TSHZ2: variants seen among roughly 807,000 people sequenced by gnomAD.
TSHZ2 encodes the protein teashirt homolog 2.
A neutral mutation model predicts 74.4 loss-of-function variants in TSHZ2; 21 were observed. That is an observed-to-expected ratio of 0.28 (90% CI 0.20 to 0.41). TSHZ2 has a LOEUF of 0.41. Ranked by LOEUF, TSHZ2 falls within the 10% of genes least tolerant of loss-of-function variation. TSHZ2 has a pLI of 1.00. For missense variants in TSHZ2, 1,244 were observed against 1,293.5 expected (o/e 0.96, Z 0.59); for synonymous variants, 540 against 515.3 (o/e 1.05, Z -0.65).
At chr20:53,277,127 A>C (rs1368561429) in intron 2 of TSHZ2, among the ~76,000 whole-genome samples, 2 of 152,166 alleles carry the variant, frequency 1.3e-5, no homozygotes, top group Non-Finnish European at 2.9e-5. Context: ...AGTTGCTTGT[A>C]CTGTATTAAG....
chr20:53,187,876 G>A (rs932744570), intron 1 of TSHZ2, among the ~76,000 whole-genome samples: 1 of 152,130 alleles, frequency 6.6e-6, no homozygotes, highest in Non-Finnish European at 1.5e-5. Context: ...TCTAACATAT[G>A]CATACCTCCC....
chr20:53,475,205 A>G (rs1185668692), intron 2 of TSHZ2, among the ~76,000 whole-genome samples: 2 of 137,098 alleles, frequency 1.5e-5, no homozygotes, highest in Admixed American at 7.3e-5. Flanking sequence ...CAGAATATAC[A>G]TTTTTTTCAG....
rs73272809 is a variant in TSHZ2 at position 53,208,143 on chromosome 20, G to A, written c.41-45356G>A. Among the ~76,000 whole-genome samples the A allele has an allele frequency of 9.2e-3, 1,399 of 152,228 alleles. 27 individuals are homozygous for A. The highest frequency in any genetic ancestry group is 0.033 in the African/African-American group (1,351 of 41,546). ...TTTCCCCTTTAGCTGATGGTAAATC[G>A]CATTCGCCCTAAGACCAATTTCTTT... On this transcript the variant is annotated intron_variant, in intron 1 of 2. Coordinates refer to ENST00000371497, the MANE Select transcript of TSHZ2 (RefSeq NM_173485.6).
At chr20:53,454,283 G>A in intron 2 of TSHZ2, among the ~76,000 whole-genome samples, 1 of 152,082 alleles carries the variant, frequency 6.6e-6, no homozygotes, top group Middle Eastern at 3.2e-3. Context: ...GTCTTTAAAG[G>A]CCAGGCGTGG....
At chr20:53,182,471 G>A (rs898166084) in intron 1 of TSHZ2, among the ~76,000 whole-genome samples, 1 of 152,206 alleles carries the variant, frequency 6.6e-6, no homozygotes, top group African/African-American at 2.4e-5. Context: ...TAACGAGGTG[G>A]GCGGGGTTTG....
chr20:53,176,936 C>T (rs1021498405), intron 1 of TSHZ2, among the ~76,000 whole-genome samples: 9 of 152,142 alleles, frequency 5.9e-5, no homozygotes, highest in African/African-American at 1.9e-4. Context: ...CCACCCGCTT[C>T]GGCCTCCCAA....
At chr20:53,163,418 G>T in intron 1 of TSHZ2, among the ~76,000 whole-genome samples, 1 of 128,544 alleles carries the variant, frequency 7.8e-6, no homozygotes. Flanking sequence ...TGCCACAGTA[G>T]CTCAAGAAGA....
chr20:53,092,461 T>C (rs888592159), intron 1 of TSHZ2, among the ~76,000 whole-genome samples: 1 of 152,194 alleles, frequency 6.6e-6, no homozygotes, highest in East Asian at 1.9e-4. Context: ...GTTGCTAGTA[T>C]ATTTTTCCCT....
intron 1 of TSHZ2, among the ~76,000 whole-genome samples, chr20:53,115,990 A>G (rs2123336705): frequency 6.6e-6 from 1 of 152,336 alleles, no homozygotes; most frequent in Non-Finnish European, 1.5e-5. Context: ...CTGTGGTTAC[A>G]GTCAAGGAAA....
intron 2 of TSHZ2, among the ~76,000 whole-genome samples, chr20:53,467,104 C>CAGAG (rs1361276590): frequency 6.6e-6 from 1 of 152,206 alleles, no homozygotes; most frequent in African/African-American, 2.4e-5. Flanking sequence ...CTGAGGAAGG[C>CAGAG]AGAGCTTCTA....
chr20:53,227,748 G>T (rs1989717667), intron 1 of TSHZ2, among the ~76,000 whole-genome samples: 1 of 152,096 alleles, frequency 6.6e-6, no homozygotes, highest in Non-Finnish European at 1.5e-5. Context: ...TTCGTGGCTT[G>T]CTCTGATACA....
At chr20:53,422,209 A>G (rs1006292379) in intron 2 of TSHZ2, among the ~76,000 whole-genome samples, 1 of 152,234 alleles carries the variant, frequency 6.6e-6, no homozygotes, top group Non-Finnish European at 1.5e-5. Flanking sequence ...AAGCAAGCCA[A>G]TGTCTGCCAG....
intron 2 of TSHZ2, among the ~76,000 whole-genome samples, chr20:53,452,847 C>G (rs923259471): frequency 3.9e-5 from 6 of 152,120 alleles, no homozygotes. Context: ...TCTCAAGGAA[C>G]GTTTAGTGTT....
At chr20:53,080,621 C>T (rs960718674) in intron 1 of TSHZ2, among the ~76,000 whole-genome samples, 28 of 152,128 alleles carry the variant, frequency 1.8e-4, no homozygotes, top group Admixed American at 1.4e-3. Context: ...CTAGATCCCT[C>T]GCATACACAG....
intron 2 of TSHZ2, among the ~76,000 whole-genome samples, chr20:53,323,435 G>T (rs1282339655): frequency 3.9e-5 from 2 of 50,820 alleles, no homozygotes; most frequent in African/African-American, 1.5e-4. Context: ...GAATGATGTA[G>T]TTAAAGTTTA....
intron 1 of TSHZ2, among the ~76,000 whole-genome samples, chr20:53,026,797 C>A (rs564190141): frequency 2.6e-5 from 4 of 152,038 alleles, no homozygotes; most frequent in Admixed American, 6.5e-5. Context: ...TCTTCAACAT[C>A]TTTTCATATT....
intron 1 of TSHZ2, among the ~76,000 whole-genome samples, chr20:53,028,982 G>T (rs906625922): frequency 1.3e-5 from 2 of 152,136 alleles, no homozygotes; most frequent in Admixed American, 6.6e-5. Flanking sequence ...AATTTTTTTA[G>T]TTCATTCAAA....
At chr20:53,250,492 A>T (rs1488233794) in intron 1 of TSHZ2, among the ~76,000 whole-genome samples, 4 of 151,872 alleles carry the variant, frequency 2.6e-5, no homozygotes, top group Admixed American at 6.6e-5. Flanking sequence ...GTGTTTTTTT[A>T]AAAAAAACTC....
chr20:53,095,041 G>A (rs1985998761), intron 1 of TSHZ2, among the ~76,000 whole-genome samples: 1 of 152,190 alleles, frequency 6.6e-6, no homozygotes, highest in Admixed American at 6.5e-5. Context: ...AATTACAGCA[G>A]GCAGAAAACC....
Sources: allele counts gnomAD v4.1 joint callset (sites outside exome capture counted in the v4.1 genomes callset), GRCh38; gene constraint gnomAD v4.1.1; transcripts MANE v1.5; gene names NCBI Gene and HGNC (gene_info 2026-07-23, HGNC 2026-07-21).